LRRC8D: variants seen among roughly 807,000 people sequenced by gnomAD.
LRRC8D encodes leucine rich repeat containing 8 VRAC subunit D.
In LRRC8D, 20 loss-of-function variants were observed where a neutral mutation model predicts 55.8. That is an observed-to-expected ratio of 0.36 (90% confidence interval 0.25 to 0.52). LRRC8D has a LOEUF of 0.52. Among genes scored for constraint, LRRC8D ranks in the 20% least tolerant of loss-of-function variants. The pLI is 0.93. For missense variants in LRRC8D, 651 were observed against 1,030.8 expected, an observed-to-expected ratio of 0.63 and a Z score of 5.05; for synonymous variants, 352 against 377.0, an observed-to-expected ratio of 0.93 and a Z score of 0.77.
intron 2 of LRRC8D, among the ~76,000 whole-genome samples, chr1:89,872,529 G>T (rs1228743329): frequency 6.6e-6 from 1 of 152,206 alleles, no homozygotes; most frequent in Non-Finnish European, 1.5e-5. Flanking sequence ...CACATCTGTG[G>T]TCCATTCTGC....
intron 2 of LRRC8D, among the ~76,000 whole-genome samples, chr1:89,922,253 C>A (rs1413636401): frequency 6.6e-6 from 1 of 151,522 alleles, no homozygotes; most frequent in Non-Finnish European, 1.5e-5. Flanking sequence ...TTACTAGAGA[C>A]CGGGTTTCAT....
In LRRC8D at chr1:89,935,564, T is replaced by G. The variant is rs780104247; in HGVS notation, c.2496T>G (p.Asp832Glu). The change falls in exon 3 of 3, where the codon GAT becomes GAG. Residue 832 changes from aspartate to glutamate, a missense_variant. This residue lies in a region of LRRC8D where 338 missense variants were observed against 479.4 expected (regional missense o/e 0.71). Transcript: ENST00000337338. ...MLKKSGLVVEDHLFDTLPLEV... is the reference protein window; with the variant it reads ...MLKKSGLVVEEHLFDTLPLEV... Reference sequence around the variant, plus strand: ...AGAAAAGCGGGCTTGTTGTGGAAGATCACCTTTTTGATACCCTGCCACTCG... The same window carrying G: ...AGAAAAGCGGGCTTGTTGTGGAAGAGCACCTTTTTGATACCCTGCCACTCG... The G allele has an allele frequency of 6.2e-7, 1 of 1,614,130 alleles. No individual in the cohort carries two copies. Among genetic ancestry groups the G allele is most frequent in the Non-Finnish European group, 8.5e-7 (1 of 1,180,040 alleles).
intron 2 of LRRC8D, among the ~76,000 whole-genome samples, chr1:89,848,448 C>T (rs1661332459): frequency 6.6e-6 from 1 of 152,074 alleles, no homozygotes; most frequent in Admixed American, 6.5e-5. Flanking sequence ...TGTGTGGGTT[C>T]ATATTGAATT....
intron 2 of LRRC8D, among the ~76,000 whole-genome samples, chr1:89,850,396 C>T (rs531606566): frequency 1.3e-5 from 2 of 152,242 alleles, no homozygotes; most frequent in East Asian, 1.9e-4. Context: ...GCCTAGTACC[C>T]ATTAGTTATT....
intron 1 of LRRC8D, among the ~76,000 whole-genome samples, chr1:89,838,740 T>G (rs1661062822): frequency 6.6e-6 from 1 of 152,202 alleles, no homozygotes; most frequent in African/African-American, 2.4e-5. Flanking sequence ...AATTGAAGAA[T>G]GAGAGAGGAA....
chr1:89,932,783 A>G (rs1663745451), intron 2 of LRRC8D, among the ~76,000 whole-genome samples: 1 of 152,182 alleles, frequency 6.6e-6, no homozygotes, highest in African/African-American at 2.4e-5. Flanking sequence ...TCCTGCTGTC[A>G]TACCCTCCTT....
chr1:89,875,758 G>A (rs927490771), intron 2 of LRRC8D, among the ~76,000 whole-genome samples: 1 of 152,146 alleles, frequency 6.6e-6, no homozygotes, highest in Non-Finnish European at 1.5e-5. Flanking sequence ...TCTATGCCAA[G>A]CAGTGTTCTA....
chr1:89,916,515 A>G (rs1317453726), intron 2 of LRRC8D, among the ~76,000 whole-genome samples: 2 of 152,222 alleles, frequency 1.3e-5, no homozygotes, highest in Non-Finnish European at 2.9e-5. Context: ...AATGTTTTTT[A>G]ATGTCAATAA....
intron 1 of LRRC8D, among the ~76,000 whole-genome samples, chr1:89,832,817 A>C (rs1166868822): frequency 6.6e-6 from 1 of 152,264 alleles, no homozygotes; most frequent in African/African-American, 2.4e-5. Context: ...TACACTTAAA[A>C]AAGAATCCAG....
chr1:89,916,064 A>C (rs1452681490), intron 2 of LRRC8D, among the ~76,000 whole-genome samples: 1 of 152,236 alleles, frequency 6.6e-6, no homozygotes, highest in Admixed American at 6.5e-5. Flanking sequence ...TATGAACTGC[A>C]GGCTGCTCAA....
intron 2 of LRRC8D, among the ~76,000 whole-genome samples, chr1:89,887,617 A>AT (rs1476933485): frequency 1.3e-5 from 2 of 152,140 alleles, no homozygotes; most frequent in Non-Finnish European, 1.5e-5. Context: ...GTACTCTTGA[A>AT]TTTTTTAATC....
At chr1:89,931,456 A>G (rs1436509140) in intron 2 of LRRC8D, among the ~76,000 whole-genome samples, 1 of 152,116 alleles carries the variant, frequency 6.6e-6, no homozygotes, top group Non-Finnish European at 1.5e-5. Context: ...CAGACAACCC[A>G]TGAATAGATA....
rs552206250 is a variant in LRRC8D, at chr1:89,913,718, T to A, written c.-2-19349T>A. Among the ~76,000 whole-genome samples the A allele has an allele frequency of 2.6e-5, 4 of 152,374 alleles. No homozygotes were observed. The South Asian group carries it at 8.3e-4, about 32-fold the overall frequency. ...CAGTTTATCACCATCTTCGAAATATTTTCTGAAAGATGATATATTTTCTAA... is the reference window on the plus strand; with the variant it reads ...CAGTTTATCACCATCTTCGAAATATATTCTGAAAGATGATATATTTTCTAA... On this transcript the variant is annotated intron_variant, in intron 2 of 2. Coordinates refer to ENST00000337338, the MANE Select transcript of LRRC8D (RefSeq NM_001134479.2).
At chr1:89,898,143 T>G (rs971081658) in intron 2 of LRRC8D, among the ~76,000 whole-genome samples, 63 of 152,158 alleles carry the variant, frequency 4.1e-4, no homozygotes, top group Non-Finnish European at 4.4e-4. Flanking sequence ...TTTAAAACAT[T>G]GAATACGAGC....
At chr1:89,847,456 G>T (rs992656496) in intron 2 of LRRC8D, among the ~76,000 whole-genome samples, 2 of 152,264 alleles carry the variant, frequency 1.3e-5, no homozygotes, top group South Asian at 2.1e-4. Flanking sequence ...GCAGTGCACT[G>T]CCTTTTCTGT....
intron 2 of LRRC8D, among the ~76,000 whole-genome samples, chr1:89,865,659 A>T (rs1661824429): frequency 6.6e-6 from 1 of 152,180 alleles, no homozygotes. Flanking sequence ...GACTATCAGA[A>T]CTTATCAGAT....
intron 2 of LRRC8D, among the ~76,000 whole-genome samples, chr1:89,863,819 T>A (rs1163240024): frequency 6.6e-6 from 1 of 152,224 alleles, no homozygotes; most frequent in Non-Finnish European, 1.5e-5. Context: ...TTAAGTACTT[T>A]TGAAATATTA....
intron 2 of LRRC8D, among the ~76,000 whole-genome samples, chr1:89,889,911 G>A (rs1314157044): frequency 6.6e-6 from 1 of 151,958 alleles, no homozygotes; most frequent in African/African-American, 2.4e-5. Flanking sequence ...AAATAGGCCG[G>A]ATGCGGTGGC....
At chr1:89,889,985 A>G (rs1662535937) in intron 2 of LRRC8D, among the ~76,000 whole-genome samples, 1 of 152,112 alleles carries the variant, frequency 6.6e-6, no homozygotes, top group Admixed American at 6.6e-5. Context: ...CAGGAGATCG[A>G]GACCATCCTG....
Sources: allele counts gnomAD v4.1 joint callset (sites outside exome capture counted in the v4.1 genomes callset), GRCh38; gene constraint gnomAD v4.1.1; regional missense constraint gnomAD v4.1.1; transcripts MANE v1.5; gene names NCBI Gene and HGNC (gene_info 2026-07-23, HGNC 2026-07-21).